ZNF674: variants seen among roughly 807,000 people sequenced by gnomAD.
The protein encoded by ZNF674 is zinc finger protein 674.
A neutral mutation model predicts 7.0 loss-of-function variants in ZNF674; 2 were observed. The ratio of observed to expected loss-of-function variants is 0.29; its 90% CI spans 0.12 to 0.90. The LOEUF is 0.90. ZNF674 is among the 40% of genes least tolerant of loss of function. ZNF674 has a pLI of 0.57. For synonymous variants in ZNF674, 103 were observed against 145.2 expected, an observed-to-expected ratio of 0.71 and a Z score of 2.09; for missense variants, 297 against 415.5, an observed-to-expected ratio of 0.71 and a Z score of 2.48.
chrX:46,535,854 G>A (rs1246557635), intron 3 of ZNF674, among the ~76,000 whole-genome samples: 1 of 111,916 alleles, frequency 8.9e-6, no homozygotes, highest in Admixed American at 9.6e-5. Context: ...TGAATAAAAT[G>A]CTCATAGCAA....
At chrX:46,508,310 A>G (rs1224796169) in intron 5 of ZNF674, among the ~76,000 whole-genome samples, 4 of 112,040 alleles carry the variant, frequency 3.6e-5, no homozygotes, top group Non-Finnish European at 7.5e-5. Flanking sequence ...AATTACAAGA[A>G]GGAAAAGTAC....
chrX:46,519,323 A>G (rs182698965), intron 5 of ZNF674, among the ~76,000 whole-genome samples: 33 of 105,593 alleles, frequency 3.1e-4, no homozygotes, highest in African/African-American at 1.1e-3. Flanking sequence ...AGATAGATAG[A>G]TAGGCCAGGT....
At chrX:46,506,170 A>C (rs1217525480) in intron 5 of ZNF674, among the ~76,000 whole-genome samples, 1 of 111,943 alleles carries the variant, frequency 8.9e-6, no homozygotes, top group Non-Finnish European at 1.9e-5. Context: ...TGGCTTGTGA[A>C]ATATTCCCTA....
chrX:46,520,598 G>A (rs1162207085), intron 5 of ZNF674, among the ~76,000 whole-genome samples: 1 of 111,152 alleles, frequency 9.0e-6, no homozygotes, highest in East Asian at 2.8e-4. Context: ...ACAAGTGCAT[G>A]AGAATGTATA....
intron 5 of ZNF674, chrX:46,527,991 T>C (rs957964504): frequency 7.3e-6 from 2 of 272,966 alleles, no homozygotes; most frequent in African/African-American, 5.6e-5. Context: ...CTGGTAAAAA[T>C]ACATAAGCAC....
At position 46,529,859 on chromosome X, in the gene ZNF674, A is replaced by G. The variant is rs1194087025; in HGVS notation, c.16-950T>C. Reference sequence around the variant, plus strand: ...GAAGTCAATTCTGCTTAGCGCTGACAGAGCAGGCCTTGCAGGGGACACAGA... The same window carrying G: ...GAAGTCAATTCTGCTTAGCGCTGACGGAGCAGGCCTTGCAGGGGACACAGA... On this transcript the variant is annotated intron_variant, in intron 3 of 5. Coordinates refer to ENST00000683375, the MANE Select transcript of ZNF674 (RefSeq NM_001190417.2). 2.7e-5 allele frequency among the ~76,000 whole-genome samples: 3 copies of G among 111,406 alleles called. No individual in the cohort carries two copies. In the Admixed American group the frequency reaches 2.9e-4, roughly 11 times the overall value.
In ZNF674 at chrX:46,513,555, A is replaced by C. The variant is rs1417907419; in HGVS notation, c.239-12220T>G. Among the ~76,000 whole-genome samples the C allele has an allele frequency of 3.6e-5, 4 of 111,917 alleles. No individual in the cohort carries two copies. The Admixed American group carries it at 3.8e-4, about 11-fold the overall frequency. Reference sequence around the variant, plus strand: ...TTGATGATTCCTATTCAAAAGCTGAATTCCATACATTTCACGAAGCTGTAT... The same window carrying C: ...TTGATGATTCCTATTCAAAAGCTGACTTCCATACATTTCACGAAGCTGTAT... On this transcript the variant is annotated intron_variant, in intron 5 of 5. Transcript: ENST00000683375.
At chrX:46,520,089 G>A (rs1941878852) in intron 5 of ZNF674, among the ~76,000 whole-genome samples, 1 of 112,012 alleles carries the variant, frequency 8.9e-6, no homozygotes, top group Non-Finnish European at 1.9e-5. Flanking sequence ...GATGGGCTGG[G>A]AGAAAATCGG....
At chrX:46,530,229 G>A (rs971092240) in intron 3 of ZNF674, among the ~76,000 whole-genome samples, 2 of 112,004 alleles carry the variant, frequency 1.8e-5, no homozygotes, top group African/African-American at 6.5e-5. Context: ...GCAGGAGAGG[G>A]GCAGGAAAGC....
At chrX:46,529,270 A>C in intron 3 of ZNF674, 1 of 221,109 alleles carries the variant, frequency 4.5e-6, no homozygotes, top group Non-Finnish European at 8.3e-6. Flanking sequence ...TTATAGGAGA[A>C]AGAGATAGAG....
At chrX:46,512,515 C>T (rs1432540329) in intron 5 of ZNF674, among the ~76,000 whole-genome samples, 1 of 110,195 alleles carries the variant, frequency 9.1e-6, no homozygotes, top group Non-Finnish European at 1.9e-5. Flanking sequence ...AATCCCAGCA[C>T]TTTGGGAGGC....
At chrX:46,543,497 G>C (rs1213944689) in intron 2 of ZNF674, among the ~76,000 whole-genome samples, 2 of 111,466 alleles carry the variant, frequency 1.8e-5, no homozygotes, top group Non-Finnish European at 3.8e-5. Flanking sequence ...AAGGGCCGCA[G>C]GGAAGGAGAG....
Position 46,498,576 on chromosome X carries a change from A to G in ZNF674, c.*1267T>C, listed in dbSNP as rs1941358904. 1 of 110,788 alleles carries G rather than the reference A, an allele frequency of 9.0e-6. No homozygotes were observed. Among genetic ancestry groups the G allele is most frequent in the Non-Finnish European group, 1.9e-5 (1 of 52,988 alleles). 9.1% of individuals were successfully genotyped at this position (110,788 alleles called of 1,213,427 possible). ...CCCCACATGGGATATTTTATGCTTTATACTGTTCTTTTAAAAATGTCATAC... is the reference window on the plus strand; with the variant it reads ...CCCCACATGGGATATTTTATGCTTTGTACTGTTCTTTTAAAAATGTCATAC... On this transcript the variant is annotated 3_prime_UTR_variant, in exon 6 of 6. Transcript: ENST00000683375.
chrX:46,537,596 C>T (rs1942222884), intron 3 of ZNF674, among the ~76,000 whole-genome samples: 1 of 111,758 alleles, frequency 8.9e-6, no homozygotes, highest in African/African-American at 3.3e-5. Context: ...ATCTTTTTGA[C>T]TCCTTTCTAC....
At position 46,498,818 on chromosome X, in the gene ZNF674, C is replaced by A. The variant is rs575807856; in HGVS notation, c.*1025G>T. 2.7e-5 allele frequency: 3 copies of A among 110,735 alleles called. No individual in the cohort carries two copies. The highest frequency in any genetic ancestry group is 1.9e-4 in the Admixed American group (2 of 10,372). 9.1% of individuals were successfully genotyped at this position (110,735 alleles called of 1,213,427 possible). ...GGCTGAGGCAGGAGAATCACTTGAA[C>A]CTGGAAGGCAGAGGCTGCAGTGAGC... is the stretch of plus-strand genomic sequence containing the variant. On this transcript the variant is annotated 3_prime_UTR_variant, in exon 6 of 6. Coordinates refer to ENST00000683375, the MANE Select transcript of ZNF674 (RefSeq NM_001190417.2).
intron 3 of ZNF674, 157 bp from the exon 4 acceptor site, chrX:46,529,066 G>T: frequency 1.0e-6 from 1 of 979,707 alleles, no homozygotes; most frequent in Non-Finnish European, 1.4e-6. Flanking sequence ...GAACTTGACA[G>T]ATGAAGAGTG....
intron 2 of ZNF674, among the ~76,000 whole-genome samples, chrX:46,543,467 A>G (rs1448003949): frequency 2.7e-5 from 3 of 111,658 alleles, no homozygotes; most frequent in African/African-American, 9.8e-5. Flanking sequence ...GTTTGGAGGA[A>G]GGAGCCCAAC....
chrX:46,515,198 A>G (rs745419467), intron 5 of ZNF674, among the ~76,000 whole-genome samples: 1 of 110,082 alleles, frequency 9.1e-6, no homozygotes, highest in South Asian at 3.9e-4. Flanking sequence ...GCAAAACCCC[A>G]TCTCTACTAA....
At chrX:46,522,164 G>A (rs1267511200) in intron 5 of ZNF674, among the ~76,000 whole-genome samples, 4 of 104,407 alleles carry the variant, frequency 3.8e-5, no homozygotes, top group Admixed American at 1.1e-4. Flanking sequence ...GAAGTGGCAC[G>A]GAGGGAGCAT....
Sources: gnomAD v4.1 joint callset for allele counts (sites outside exome capture counted in the v4.1 genomes callset) on GRCh38, gnomAD v4.1.1 for gene constraint, MANE v1.5 for transcripts, NCBI Gene and HGNC (gene_info 2026-07-23, HGNC 2026-07-21) for gene names.